The following MKLN1 variants were observed in gnomAD, a reference collection of about 807,000 sequenced individuals.
MKLN1 encodes muskelin.
Under a neutral mutation model 99.0 loss-of-function variants are expected in MKLN1, and 18 were observed. The observed-to-expected ratio is 0.18, with a 90% CI of 0.13 to 0.27. The LOEUF is 0.27. MKLN1 is among the 10% of genes least tolerant of loss of function. The pLI, the probability that MKLN1 is intolerant of heterozygous loss-of-function variation, is 1.00. For missense variants in MKLN1, 621 were observed against 875.9 expected (o/e 0.71, Z 3.67); for synonymous variants, 288 against 293.2 (o/e 0.98, Z 0.18).
At chr7:131,153,681 GAGA>G (rs1323312555) in intron 2 of MKLN1, among the ~76,000 whole-genome samples, 3 of 28,756 alleles carry the variant, frequency 1.0e-4, no homozygotes, top group Non-Finnish European at 1.9e-4. Context: ...TTTTTTTTTT[GAGA>G]AGGAGTCTTG....
intron 12 of MKLN1, among the ~76,000 whole-genome samples, chr7:131,449,748 C>G (rs1796124948): frequency 6.6e-6 from 1 of 152,002 alleles, no homozygotes; most frequent in South Asian, 2.1e-4. Context: ...CCAACTTTCT[C>G]TCTCCTAGAG....
intron 3 of MKLN1, among the ~76,000 whole-genome samples, chr7:131,258,223 C>T (rs1018567777): frequency 4.0e-5 from 6 of 151,638 alleles, no homozygotes; most frequent in Admixed American, 3.9e-4. Context: ...ACTGTACTCA[C>T]TGTAAATCTG....
At position 131,478,519 on chromosome 7, in the gene MKLN1, C is replaced by T. The variant is rs150379125; in HGVS notation, c.2032-104C>T. On this transcript the variant is annotated intron_variant, in intron 16 of 17. Coordinates refer to ENST00000352689, the MANE Select transcript of MKLN1 (RefSeq NM_013255.5). The stretch of plus-strand genomic sequence containing the variant: ...CCTATGTCACACATATGCAGAAATA[C>T]GTAGTTGCTGATAAATGGTCAAAGT... The T allele has an allele frequency of 6.7e-5, 78 of 1,156,042 alleles. No homozygotes were observed. The East Asian group carries it at 1.9e-3, about 28-fold the overall frequency. 71.6% of individuals were successfully genotyped at this position (1,156,042 alleles called of 1,614,324 possible). A position where few individuals can be genotyped will look rare whatever the true frequency, so the allele number is the denominator to read the frequency against.
At chr7:131,473,608 G>A (rs1796888351) in intron 16 of MKLN1, among the ~76,000 whole-genome samples, 1 of 152,154 alleles carries the variant, frequency 6.6e-6, no homozygotes, top group Non-Finnish European at 1.5e-5. Context: ...CTATAATAGA[G>A]AAGGAATGAG....
At chr7:131,347,156 C>A (rs1386834479) in intron 1 of MKLN1, among the ~76,000 whole-genome samples, 2 of 151,624 alleles carry the variant, frequency 1.3e-5, no homozygotes, top group Admixed American at 1.3e-4. Context: ...TAATAATAGG[C>A]CTAGAAAGAG....
chr7:131,348,774 A>G (rs1799633082), intron 1 of MKLN1, among the ~76,000 whole-genome samples: 1 of 152,154 alleles, frequency 6.6e-6, no homozygotes, highest in Non-Finnish European at 1.5e-5. Flanking sequence ...ACTGTGGCAA[A>G]AGCTGGATCT....
chr7:131,120,422 G>A (rs77935327), intron 1 of MKLN1, among the ~76,000 whole-genome samples: 8,299 of 150,010 alleles, frequency 0.055, 267 homozygotes, highest in Middle Eastern at 0.08. Context: ...GGCGGTGGGC[G>A]CCTGTAGTCC....
chr7:131,474,567 A>G (rs1448473720), intron 16 of MKLN1, among the ~76,000 whole-genome samples: 1 of 152,218 alleles, frequency 6.6e-6, no homozygotes, highest in African/African-American at 2.4e-5. Context: ...TTTTCTCCTT[A>G]TCCTATATGT....
At position 131,478,646 on chromosome 7, in the gene MKLN1, A is replaced by G; in HGVS notation, c.2055A>G (p.Leu685=). The G allele has an allele frequency of 2.6e-6, 4 of 1,526,470 alleles. No individual in the cohort carries two copies. The highest frequency in any genetic ancestry group is 1.2e-5 in the South Asian group (1 of 82,590). The allele number at this position is 1,526,470 out of a possible 1,614,324, so 94.6% of individuals were successfully genotyped here. A position where few individuals can be genotyped will look rare whatever the true frequency, so the allele number is the denominator to read the frequency against. The change falls in exon 17 of 18, where the codon CTA becomes CTG. Residue 685 remains leucine, a synonymous_variant. Transcript: ENST00000352689. Reference sequence around the variant, plus strand: ...AGTTTCAGCTCCTGGCATCAGCTCTATTCAAATCTGGTTCAGATTTTACAG... The same window carrying G: ...AGTTTCAGCTCCTGGCATCAGCTCTGTTCAAATCTGGTTCAGATTTTACAG... ...TKEFQLLASA[L]FKSGSDFTAL...
chr7:131,286,061 G>A (rs1031046352), intron 3 of MKLN1, among the ~76,000 whole-genome samples: 1 of 150,478 alleles, frequency 6.6e-6, no homozygotes, highest in Non-Finnish European at 1.5e-5. Flanking sequence ...AGCGATTCTC[G>A]TGCCTCCACC....
intron 3 of MKLN1, among the ~76,000 whole-genome samples, chr7:131,261,486 CA>C (rs1797730543): frequency 6.6e-6 from 1 of 152,064 alleles, no homozygotes; most frequent in Non-Finnish European, 1.5e-5. Flanking sequence ...ATTAAAAAGT[CA>C]AAAAATAACA....
chr7:131,118,488 G>A (rs1285617442), intron 1 of MKLN1, among the ~76,000 whole-genome samples: 5 of 151,640 alleles, frequency 3.3e-5, no homozygotes, highest in Admixed American at 3.3e-4. Context: ...GGGAGGCGGA[G>A]GTTGCAGTGA....
At chr7:131,217,524 C>G (rs1337098598) in intron 3 of MKLN1, among the ~76,000 whole-genome samples, 2 of 151,420 alleles carry the variant, frequency 1.3e-5, no homozygotes, top group Non-Finnish European at 3.0e-5. Flanking sequence ...ATGGTGAAAC[C>G]CTGTCTCTAC....
intron 3 of MKLN1, among the ~76,000 whole-genome samples, chr7:131,209,295 G>T (rs1483625679): frequency 3.3e-5 from 5 of 152,328 alleles, no homozygotes; most frequent in Admixed American, 2.6e-4. Flanking sequence ...AAGCAAGGAA[G>T]TAATTTTCTG....
At chr7:131,482,581 G>A (rs1450785813) in intron 17 of MKLN1, among the ~76,000 whole-genome samples, 3 of 152,256 alleles carry the variant, frequency 2.0e-5, no homozygotes, top group East Asian at 3.9e-4. Flanking sequence ...ATCCAGCTAC[G>A]TGTAGGATGT....
chr7:131,354,524 C>T (rs1430181016), intron 1 of MKLN1, among the ~76,000 whole-genome samples: 10 of 142,180 alleles, frequency 7.0e-5, no homozygotes, highest in East Asian at 2.1e-4. Context: ...TGGGGGGGGG[C>T]GTAAATCTTG....
chr7:131,239,515 G>T (rs1797371084), intron 3 of MKLN1, among the ~76,000 whole-genome samples: 1 of 152,036 alleles, frequency 6.6e-6, no homozygotes, highest in South Asian at 2.1e-4. Flanking sequence ...CAGGGGTCTT[G>T]CTAGGTTGCC....
intron 3 of MKLN1, chr7:131,309,833 C>G (rs191247): frequency 6.8e-6 from 1 of 147,556 alleles, no homozygotes; most frequent in East Asian, 2.1e-4. Context: ...TCACGCCTTT[C>G]TCCTGCCTCA....
intron 3 of MKLN1, among the ~76,000 whole-genome samples, chr7:131,234,272 GC>G (rs1430986426): frequency 1.2e-4 from 19 of 152,292 alleles, no homozygotes; most frequent in African/African-American, 3.9e-4. Context: ...GAGACACCAC[GC>G]CCGGCCTTTA....
Sources: gnomAD v4.1 joint callset for allele counts (sites outside exome capture counted in the v4.1 genomes callset) on GRCh38, gnomAD v4.1.1 for gene constraint, MANE v1.5 for transcripts, NCBI Gene and HGNC (gene_info 2026-07-23, HGNC 2026-07-21) for gene names.